RPN2: variants seen among roughly 807,000 people sequenced by gnomAD.
RPN2 encodes dolichyl-diphosphooligosaccharide--protein glycosyltransferase subunit 2.
Under a neutral mutation model 71.4 loss-of-function variants are expected in RPN2, and 29 were observed. The observed-to-expected ratio is 0.41, with a 90% CI of 0.30 to 0.55. The LOEUF is 0.55. Among genes scored for constraint, RPN2 ranks in the 20% least tolerant of loss-of-function variants. The pLI, the probability that RPN2 is intolerant of heterozygous loss-of-function variation, is 0.35. For synonymous variants in RPN2, 308 were observed against 305.0 expected (o/e 1.01, Z -0.10); for missense variants, 726 against 774.1 (o/e 0.94, Z 0.74).
rs561736591 is a variant in RPN2, at chr20:37,199,705, G to A, written c.479+480G>A. 6.5e-4 allele frequency among the ~76,000 whole-genome samples: 99 copies of A among 152,298 alleles called. 1 individual carries two copies. Among genetic ancestry groups the A allele is most frequent in the Middle Eastern group, 6.8e-3 (2 of 294 alleles). On this transcript the variant is annotated intron_variant, in intron 4 of 16. Transcript: ENST00000237530. ...TTGCTCAGAGGGTGGAGTATTCTAG[G>A]AATCAGACTCTACTACTCTGCAAAA...
At chr20:37,213,544 C>T (rs1164480153) in intron 8 of RPN2, among the ~76,000 whole-genome samples, 4 of 151,922 alleles carry the variant, frequency 2.6e-5, no homozygotes, top group Non-Finnish European at 1.5e-5. Flanking sequence ...GAGCTGTGAT[C>T]GTGCCACTAT....
chr20:37,182,351 C>T (rs969449079), intron 1 of RPN2, among the ~76,000 whole-genome samples: 1 of 152,090 alleles, frequency 6.6e-6, no homozygotes, highest in Non-Finnish European at 1.5e-5. Context: ...ACCTCGGCCT[C>T]CCAAAGTGCT....
Position 37,228,788 on chromosome 20 carries a change from C to T in RPN2, c.1494+44C>T, listed in dbSNP as rs777125429. 7 of 1,576,090 alleles carry T rather than the reference C, an allele frequency of 4.4e-6. No homozygotes were observed. In the Admixed American group the frequency reaches 1.2e-4, roughly 26 times the overall value. ...CCCGACCCAGGTGAGAGTGGCTGTGCCCCAGGCACTGGTGGCTCTTTTTCA... is the reference window on the plus strand; with the variant it reads ...CCCGACCCAGGTGAGAGTGGCTGTGTCCCAGGCACTGGTGGCTCTTTTTCA... On this transcript the variant is annotated intron_variant, in intron 12 of 16. Transcript: ENST00000237530.
At chr20:37,196,271 C>G (rs1221053394) in intron 2 of RPN2, among the ~76,000 whole-genome samples, 2 of 152,080 alleles carry the variant, frequency 1.3e-5, no homozygotes, top group Non-Finnish European at 2.9e-5. Flanking sequence ...CTCTGTCGCC[C>G]AGGCTGGAGT....
chr20:37,185,081 G>A (rs1378186297), intron 2 of RPN2, among the ~76,000 whole-genome samples: 1 of 151,454 alleles, frequency 6.6e-6, no homozygotes, highest in Non-Finnish European at 1.5e-5. Context: ...TTTGATACAT[G>A]TTTTTGGACT....
intron 12 of RPN2, 88 bp from the exon 13 acceptor site, chr20:37,229,885 T>C (rs2068190575): frequency 9.9e-7 from 1 of 1,010,450 alleles, no homozygotes; most frequent in African/African-American, 1.6e-5. Flanking sequence ...TCAGTTATGG[T>C]CTTAGATGTG....
rs2068394264 is a variant in RPN2, at chr20:37,236,445, A to G, written c.1754-135A>G. On this transcript the variant is annotated intron_variant, in intron 15 of 16. Transcript: ENST00000237530. The stretch of plus-strand genomic sequence containing the variant: ...TGAGTTAGCTACTTTTTGGCATCAG[A>G]GCAAAGGAATAAAACAAGCTGGTAT... The G allele has an allele frequency of 3.2e-6, 3 of 949,460 alleles. No homozygotes were observed. The Admixed American group carries it at 5.9e-5, about 19-fold the overall frequency. The allele number at this position is 949,460 out of a possible 1,614,324, so 58.8% of individuals were successfully genotyped here. A position where few individuals can be genotyped will look rare whatever the true frequency, so the allele number is the denominator to read the frequency against.
chr20:37,213,027 G>A (rs1030219171), intron 8 of RPN2, among the ~76,000 whole-genome samples: 2 of 151,974 alleles, frequency 1.3e-5, no homozygotes, highest in African/African-American at 4.8e-5. Flanking sequence ...ATAAAAGTAA[G>A]ATATGTCCTT....
chr20:37,198,337 T>C, intron 2 of RPN2, 60 bp from the exon 3 acceptor site: 1 of 1,613,900 alleles, frequency 6.2e-7, no homozygotes, highest in Non-Finnish European at 8.5e-7. Context: ...AAAACGCCTT[T>C]GCTTTTCCTG....
intron 16 of RPN2, chr20:37,238,510 A>G (rs946597880): frequency 3.4e-6 from 4 of 1,173,844 alleles, no homozygotes; most frequent in Admixed American, 1.9e-5. Flanking sequence ...TGCCCGCCTC[A>G]TGCATGTCAG....
At chr20:37,207,528 A>C in intron 7 of RPN2, 79 bp downstream of exon 7, 1 of 1,251,046 alleles carries the variant, frequency 8.0e-7, no homozygotes, top group East Asian at 2.3e-5. Flanking sequence ...GACTATGGTC[A>C]CAGCCAATTA....
chr20:37,203,781 A>G lies in RPN2; in HGVS notation c.480-104A>G, dbSNP rs2067448749. 3 of 829,924 alleles carry G rather than the reference A, an allele frequency of 3.6e-6. 1 individual carries two copies. Among genetic ancestry groups the G allele is most frequent in the Middle Eastern group, 4.4e-4 (2 of 4,552 alleles). 51.4% of individuals were successfully genotyped at this position (829,924 alleles called of 1,614,324 possible). On this transcript the variant is annotated intron_variant, in intron 4 of 16. Transcript: ENST00000237530. ...AAGGCTGAGACCAACTTGTACTTCT[A>G]AAGAACAAGAGTAGGATATTTGTGA...
At chr20:37,182,508 C>T (rs1471849730) in intron 1 of RPN2, among the ~76,000 whole-genome samples, 3 of 151,974 alleles carry the variant, frequency 2.0e-5, no homozygotes, top group Non-Finnish European at 2.9e-5. Context: ...CTCCTACCTC[C>T]GCCTCCCGAG....
chr20:37,215,379 A>G (rs1311183096), intron 9 of RPN2, among the ~76,000 whole-genome samples: 3 of 152,372 alleles, frequency 2.0e-5, no homozygotes, highest in Non-Finnish European at 2.9e-5. Context: ...CCTTTTTAGC[A>G]TGAGACATCT....
At chr20:37,241,081 A>G (rs549853695) in intron 16 of RPN2, among the ~76,000 whole-genome samples, 12 of 152,316 alleles carry the variant, frequency 7.9e-5, no homozygotes, top group South Asian at 4.1e-4. Flanking sequence ...TGTTATTTGT[A>G]TTTAAGTTGT....
At chr20:37,232,454 T>C (rs2068279381) in intron 14 of RPN2, 63 bp downstream of exon 14, 1 of 1,583,086 alleles carries the variant, frequency 6.3e-7, no homozygotes, top group African/African-American at 1.3e-5. Flanking sequence ...GATGCATTCC[T>C]TCCAAAGGAG....
intron 9 of RPN2, among the ~76,000 whole-genome samples, chr20:37,215,697 CTT>C (rs2146630884): frequency 6.6e-6 from 1 of 152,166 alleles, no homozygotes; most frequent in African/African-American, 2.4e-5. Flanking sequence ...TTCCATGAGT[CTT>C]TTGCTGTTAC....
chr20:37,231,356 G>T (rs868350685), intron 13 of RPN2, among the ~76,000 whole-genome samples: 1 of 151,808 alleles, frequency 6.6e-6, no homozygotes, highest in Admixed American at 6.6e-5. Flanking sequence ...ATGTAGAATT[G>T]CTCAGGAAAA....
At chr20:37,180,485 C>T (rs867506671) in intron 1 of RPN2, among the ~76,000 whole-genome samples, 1 of 152,178 alleles carries the variant, frequency 6.6e-6, no homozygotes, top group Non-Finnish European at 1.5e-5. Context: ...AGAAAAGTTA[C>T]TGCTCTCGTT....
Sources: gnomAD v4.1 joint callset for allele counts (sites outside exome capture counted in the v4.1 genomes callset) on GRCh38, gnomAD v4.1.1 for gene constraint, MANE v1.5 for transcripts, NCBI Gene and HGNC (gene_info 2026-07-23, HGNC 2026-07-21) for gene names.